TTC19: variants seen among roughly 807,000 people sequenced by gnomAD.
The protein encoded by TTC19 is tetratricopeptide repeat protein 19, mitochondrial.
TTC19 carries 38 observed loss-of-function variants against 49.5 expected under a neutral mutation model. The ratio of observed to expected loss-of-function variants is 0.77; its 90% confidence interval spans 0.59 to 1.01. The LOEUF is 1.01. Among genes scored for constraint, TTC19 ranks in the 50% least tolerant of loss-of-function variants. The probability of loss-of-function intolerance (pLI) is 0.00; values close to 1 mark genes in which losing one functional copy is unlikely to be tolerated. For missense variants in TTC19, 475 were observed against 477.7 expected (o/e 0.99, Z 0.05); for synonymous variants, 204 against 185.2 (o/e 1.10, Z -0.83).
intron 7 of TTC19, among the ~76,000 whole-genome samples, chr17:16,014,290 T>C (rs1971154110): frequency 6.6e-6 from 1 of 152,212 alleles, no homozygotes; most frequent in Admixed American, 6.5e-5. Flanking sequence ...ATTATCATGA[T>C]TGGCTAAAAT....
intron 2 of TTC19, chr17:16,039,196 A>G: frequency 2.0e-6 from 1 of 512,774 alleles, no homozygotes; most frequent in Non-Finnish European, 3.5e-6. Flanking sequence ...CAAATAAAAA[A>G]TGGACATCCC....
At chr17:16,005,008 ATC>A (rs1970857974) in intron 6 of TTC19, among the ~76,000 whole-genome samples, 1 of 152,348 alleles carries the variant, frequency 6.6e-6, no homozygotes, top group South Asian at 2.1e-4. Context: ...AGCTTGGTCA[ATC>A]TTTCTTGGAG....
chr17:16,044,596 C>T (rs769179346), exon 3 of TTC19: 17 of 564,618 alleles, frequency 3.0e-5, no homozygotes, highest in Admixed American at 6.3e-5. Context: ...CGTCCGGCAG[C>T]GCCAGCCCCA....
chr17:16,038,442 T>C (rs1227744638), intron 2 of TTC19, among the ~76,000 whole-genome samples: 1 of 152,096 alleles, frequency 6.6e-6, no homozygotes, highest in Non-Finnish European at 1.5e-5. Context: ...ACTCTTTTTT[T>C]TTTTCCTTTT....
intron 9 of TTC19, chr17:16,027,132 C>T (rs1156403528): frequency 3.6e-6 from 2 of 557,780 alleles, no homozygotes; most frequent in African/African-American, 3.8e-5. Context: ...ACACATACCA[C>T]CATTCATGAA....
chr17:16,040,147 C>G (rs2057291008), intron 2 of TTC19: 1 of 536,586 alleles, frequency 1.9e-6, no homozygotes, highest in African/African-American at 1.9e-5. Flanking sequence ...CCAAGTGAAT[C>G]AGTCACCCAC....
At chr17:16,003,679 A>G in intron 4 of TTC19, 152 bp from the exon 5 acceptor site, 2 of 708,704 alleles carry the variant, frequency 2.8e-6, no homozygotes, top group Non-Finnish European at 2.5e-6. Flanking sequence ...TCGCTTCAAA[A>G]GGGTACTTTT....
chr17:16,033,528 A>G (rs1351157773), downstream of TTC19, among the ~76,000 whole-genome samples: 2 of 152,166 alleles, frequency 1.3e-5, no homozygotes, highest in African/African-American at 4.8e-5. Flanking sequence ...AAAGCCTGAT[A>G]TAATTTACAT....
intron 2 of TTC19, among the ~76,000 whole-genome samples, chr17:16,042,024 G>A (rs772737858): frequency 9.5e-4 from 144 of 152,260 alleles, no homozygotes; most frequent in Non-Finnish European, 1.3e-3. Context: ...GTGAGCCACC[G>A]TGCCCGGCCA....
At chr17:16,000,933 T>C (rs1335589025) in intron 2 of TTC19, among the ~76,000 whole-genome samples, 1 of 152,226 alleles carries the variant, frequency 6.6e-6, no homozygotes, top group Non-Finnish European at 1.5e-5. Context: ...TTAAAACTTG[T>C]GGTACCTTAC....
intron 2 of TTC19, chr17:16,000,559 A>G (rs1970693280): frequency 1.9e-6 from 1 of 521,554 alleles, no homozygotes; most frequent in South Asian, 3.4e-5. Flanking sequence ...GCCTATCTGA[A>G]ATGACATAAT....
intron 4 of TTC19, among the ~76,000 whole-genome samples, 160 bp from the exon 5 acceptor site, chr17:16,003,671 G>T (rs188447887): frequency 6.6e-6 from 1 of 151,980 alleles, no homozygotes; most frequent in East Asian, 1.9e-4. Flanking sequence ...ATCTGTTTTC[G>T]CTTCAAAAGG....
downstream of TTC19, chr17:16,031,656 ACT>A (rs1202653461): frequency 1.8e-5 from 4 of 226,998 alleles, no homozygotes; most frequent in Non-Finnish European, 3.5e-5. Context: ...AGAATTTGTT[ACT>A]TTTACCTTTT....
downstream of TTC19, chr17:16,031,030 T>G: frequency 5.1e-6 from 1 of 195,654 alleles, no homozygotes; most frequent in East Asian, 8.0e-5. Flanking sequence ...ATAAATTGTA[T>G]GAAAAAAACT....
At chr17:16,019,378 C>T (rs1971304330) in intron 7 of TTC19, among the ~76,000 whole-genome samples, 1 of 152,144 alleles carries the variant, frequency 6.6e-6, no homozygotes, top group East Asian at 1.9e-4. Context: ...TGTTTTTAAA[C>T]TTAATATGAA....
intron 2 of TTC19, among the ~76,000 whole-genome samples, chr17:16,043,684 A>C (rs1166965017): frequency 6.6e-6 from 1 of 152,180 alleles, no homozygotes; most frequent in Non-Finnish European, 1.5e-5. Flanking sequence ...AGACCACACA[A>C]AGGTGAAATG....
chr17:16,039,399 A>C (rs1276426453), intron 2 of TTC19: 9 of 1,596,628 alleles, frequency 5.6e-6, no homozygotes, highest in Non-Finnish European at 7.7e-6. Context: ...TTTTGGGGAA[A>C]AGCAGCAGAA....
chr17:16,040,775 C>A, intron 2 of TTC19: 1 of 412,348 alleles, frequency 2.4e-6, no homozygotes, highest in South Asian at 2.3e-5. Flanking sequence ...CACTCCTAGT[C>A]CCCCAGCTAC....
chr17:16,021,326 T>C (rs1239523630), intron 7 of TTC19, among the ~76,000 whole-genome samples: 3 of 152,228 alleles, frequency 2.0e-5, no homozygotes, highest in Admixed American at 6.5e-5. Flanking sequence ...AGGCGGAGGT[T>C]GCAGTGAGCT....
Sources: allele counts gnomAD v4.1 joint callset (sites outside exome capture counted in the v4.1 genomes callset), GRCh38; gene constraint gnomAD v4.1.1; transcripts MANE v1.5; gene names NCBI Gene and HGNC (gene_info 2026-07-23, HGNC 2026-07-21).